ARHGEF12: variants seen among roughly 807,000 people sequenced by gnomAD.
ARHGEF12 encodes KMT2A/ARHGEF12 fusion protein.
A neutral mutation model predicts 211.2 loss-of-function variants in ARHGEF12; 66 were observed. The observed-to-expected ratio is 0.31, with a 90% CI of 0.26 to 0.38. ARHGEF12 has a LOEUF of 0.38. Among genes scored for constraint, ARHGEF12 ranks in the 10% least tolerant of loss-of-function variants. The pLI is 1.00. For missense variants in ARHGEF12, 1,429 were observed against 1,869.5 expected (o/e 0.76, Z 4.34); for synonymous variants, 592 against 638.4 (o/e 0.93, Z 1.09).
chr11:120,337,772 G>A, intron 1 of ARHGEF12: 1 of 985,426 alleles, frequency 1.0e-6, no homozygotes, highest in Non-Finnish European at 1.2e-6. Context: ...GACCTGCACG[G>A]TGTTTAATTA....
intron 1 of ARHGEF12, among the ~76,000 whole-genome samples, chr11:120,389,185 G>T (rs1351851053): frequency 6.6e-6 from 1 of 151,958 alleles, no homozygotes; most frequent in East Asian, 1.9e-4. Flanking sequence ...GTCCTTTTAG[G>T]TATATGATTT....
chr11:120,475,299 A>G (rs986771448), intron 32 of ARHGEF12, 41 bp from the exon 33 acceptor site: 1 of 1,570,402 alleles, frequency 6.4e-7, no homozygotes, highest in Non-Finnish European at 8.7e-7. Flanking sequence ...ACGCGTCTCC[A>G]TTTCTGTACT....
intron 1 of ARHGEF12, among the ~76,000 whole-genome samples, chr11:120,360,517 C>CA (rs1943249375): frequency 6.6e-6 from 1 of 152,114 alleles, no homozygotes; most frequent in Non-Finnish European, 1.5e-5. Context: ...CTCAGCCTCC[C>CA]AAGTAGCTGG....
intron 1 of ARHGEF12, among the ~76,000 whole-genome samples, chr11:120,401,811 G>T (rs1944554990): frequency 2.0e-5 from 3 of 152,088 alleles, no homozygotes; most frequent in Non-Finnish European, 1.5e-5. Context: ...TAAATCTGTG[G>T]TTTCATCACT....
rs757604193 is a variant in ARHGEF12, at chr11:120,345,188, AG to A, written c.32+7915del. ...TAGTGATAAAACGGAAAGAGGGATG[AG>A]GAAGGGGCTTTACTGGCCCATCCAG... On this transcript the variant is annotated intron_variant, in intron 1 of 40. Transcript: ENST00000397843. 8.5e-5 allele frequency among the ~76,000 whole-genome samples: 13 copies of A among 152,348 alleles called. No homozygotes were observed. The East Asian group carries it at 2.3e-3, about 27-fold the overall frequency.
At chr11:120,347,183 C>CCTTCCTTCCTTCCTTTCTTT (rs1555090041) in intron 1 of ARHGEF12, among the ~76,000 whole-genome samples, 14 of 100,290 alleles carry the variant, frequency 1.4e-4, no homozygotes, top group African/African-American at 2.1e-4. Flanking sequence ...TTCCTTCCTT[C>CCTTCCTTCCTTCCTTTCTTT]CTTTCTTTCT....
intron 15 of ARHGEF12, among the ~76,000 whole-genome samples, chr11:120,444,928 T>C (rs11217871): frequency 0.2 from 30,346 of 152,136 alleles, 3,328 homozygotes; most frequent in Non-Finnish European, 0.23. Context: ...GAGTGTGACA[T>C]TGTGAGGGCT....
chr11:120,467,705 G>A (rs1946749765), intron 29 of ARHGEF12, among the ~76,000 whole-genome samples: 1 of 150,028 alleles, frequency 6.7e-6, no homozygotes, highest in Non-Finnish European at 1.5e-5. Context: ...AGAGTGCTGT[G>A]ATTATAGGCA....
chr11:120,417,776 A>G (rs1456837780), intron 4 of ARHGEF12, among the ~76,000 whole-genome samples: 3 of 152,168 alleles, frequency 2.0e-5, no homozygotes, highest in East Asian at 1.9e-4. Context: ...GATTACAGGC[A>G]TGAGCCACCA....
At chr11:120,447,793 GTGGCAGAGTGAGACTCT>G in intron 18 of ARHGEF12, 64 bp from the exon 19 acceptor site, 2 of 974,948 alleles carry the variant, frequency 2.1e-6, no homozygotes, top group Admixed American at 5.7e-5. Context: ...TCCAGCCTGG[GTGGCAGAGTGAGACTCT>G]GTCTCAAAAA....
intron 4 of ARHGEF12, among the ~76,000 whole-genome samples, chr11:120,419,453 C>T (rs995122348): frequency 8.1e-6 from 1 of 122,970 alleles, no homozygotes; most frequent in African/African-American, 3.2e-5. Context: ...AAGGTCTTGA[C>T]GATTTCCTTT....
chr11:120,364,534 T>G (rs1943369816), intron 1 of ARHGEF12, among the ~76,000 whole-genome samples: 2 of 152,164 alleles, frequency 1.3e-5, no homozygotes, highest in African/African-American at 4.8e-5. Flanking sequence ...CACCATTATT[T>G]TAGTAGGGGC....
At chr11:120,362,855 G>C (rs7924975) in intron 1 of ARHGEF12, among the ~76,000 whole-genome samples, 65,663 of 151,912 alleles carry the variant, frequency 0.43, 14,600 homozygotes, top group African/African-American at 0.53. Context: ...AATCCCAGCA[G>C]TTTGGGAGGC....
intron 14 of ARHGEF12, 104 bp from the exon 15 acceptor site, chr11:120,442,000 A>T (rs1035137008): frequency 3.4e-6 from 3 of 873,404 alleles, no homozygotes; most frequent in South Asian, 1.7e-5. Flanking sequence ...TACATTGTTT[A>T]TGGTGACCTA....
intron 15 of ARHGEF12, 143 bp downstream of exon 15, chr11:120,442,345 A>C (rs1416126395): frequency 1.9e-6 from 1 of 536,598 alleles, no homozygotes; most frequent in South Asian, 3.2e-5. Flanking sequence ...ATTACTCTAG[A>C]CTTTTTTTTT....
intron 2 of ARHGEF12, among the ~76,000 whole-genome samples, chr11:120,406,591 C>T (rs1167167503): frequency 6.6e-6 from 1 of 152,058 alleles, no homozygotes; most frequent in Non-Finnish European, 1.5e-5. Context: ...TGGGATCTCA[C>T]TCTGTTGCCC....
intron 1 of ARHGEF12, among the ~76,000 whole-genome samples, chr11:120,363,191 T>C (rs1007041643): frequency 5.9e-5 from 9 of 152,244 alleles, no homozygotes; most frequent in Admixed American, 1.3e-4. Context: ...AAATAAAGTT[T>C]AAGGTTTGTA....
At chr11:120,425,024 G>T (rs1945297018) in intron 7 of ARHGEF12, among the ~76,000 whole-genome samples, 1 of 152,210 alleles carries the variant, frequency 6.6e-6, no homozygotes, top group Admixed American at 6.5e-5. Context: ...TCTCTGTGGA[G>T]AAACAGGCTT....
rs142299824 is a variant in ARHGEF12 at position 120,345,531 on chromosome 11, G to A, written c.32+8256G>A. 4.7e-3 allele frequency among the ~76,000 whole-genome samples: 711 copies of A among 152,030 alleles called. 8 individuals are homozygous for A. Among genetic ancestry groups the A allele is most frequent in the African/African-American group, 0.016 (672 of 41,460 alleles). ...ATTCTGGCTAACACGGTGAAACCCC[G>A]TCTCTGCTAAAAATAGAAAAAATTA... On this transcript the variant is annotated intron_variant, in intron 1 of 40. Coordinates refer to ENST00000397843, the MANE Select transcript of ARHGEF12 (RefSeq NM_015313.3).
Sources: allele counts gnomAD v4.1 joint callset (sites outside exome capture counted in the v4.1 genomes callset), GRCh38; gene constraint gnomAD v4.1.1; transcripts MANE v1.5; gene names NCBI Gene and HGNC (gene_info 2026-07-23, HGNC 2026-07-21).